Variants in SOX5 observed in about 807,000 individuals in gnomAD.
SOX5 encodes the protein transcription factor SOX-5.
A neutral mutation model predicts 92.0 loss-of-function variants in SOX5; 9 were observed. That is an observed-to-expected ratio of 0.10 (90% CI 0.06 to 0.17). The LOEUF (loss-of-function observed/expected upper bound fraction) is 0.17. Among genes scored for constraint, SOX5 ranks in the 10% least tolerant of loss-of-function variants. The pLI, the probability that SOX5 is intolerant of heterozygous loss-of-function variation, is 1.00. For missense variants in SOX5, 642 were observed against 944.5 expected, an observed-to-expected ratio of 0.68 and a Z score of 4.20; for synonymous variants, 344 against 336.3, an observed-to-expected ratio of 1.02 and a Z score of -0.25.
intron 4 of SOX5, among the ~76,000 whole-genome samples, chr12:24,168,411 A>C (rs977686988): frequency 6.6e-6 from 1 of 152,232 alleles, no homozygotes; most frequent in Admixed American, 6.5e-5. Context: ...ATTTTAAAAA[A>C]ATCGTCAACA....
intron 3 of SOX5, among the ~76,000 whole-genome samples, chr12:23,796,092 T>C (rs2095557080): frequency 6.6e-6 from 1 of 152,154 alleles, no homozygotes; most frequent in African/African-American, 2.4e-5. Flanking sequence ...AAAAATCCTT[T>C]TAACTACAAC....
At chr12:23,542,974 G>C (rs927992072) in intron 13 of SOX5, among the ~76,000 whole-genome samples, 2 of 152,102 alleles carry the variant, frequency 1.3e-5, no homozygotes, top group African/African-American at 4.8e-5. Flanking sequence ...AGAAGATAAA[G>C]CATTAAAATA....
chr12:24,223,341 T>G (rs1291626485), intron 3 of SOX5: 1 of 152,210 alleles, frequency 6.6e-6, no homozygotes, highest in Non-Finnish European at 1.5e-5. Context: ...ATAACCAAAG[T>G]CAAAGAGTCA....
intron 9 of SOX5, among the ~76,000 whole-genome samples, chr12:23,599,781 AC>A: frequency 6.6e-6 from 1 of 151,546 alleles, no homozygotes; most frequent in Non-Finnish European, 1.5e-5. Flanking sequence ...TGTGTGTGAA[AC>A]TGAGTCTAAA....
chr12:23,957,971 T>G (rs1040903511), intron 4 of SOX5, among the ~76,000 whole-genome samples: 49 of 152,214 alleles, frequency 3.2e-4, no homozygotes, highest in African/African-American at 1.1e-3. Context: ...TATTACTATT[T>G]GAAAAACACC....
chr12:24,115,343 A>G (rs570912633), intron 4 of SOX5, among the ~76,000 whole-genome samples: 110 of 152,354 alleles, frequency 7.2e-4, no homozygotes, highest in Non-Finnish European at 1.4e-3. Flanking sequence ...GGAACTCTAT[A>G]TTCCACTAAA....
intron 2 of SOX5, among the ~76,000 whole-genome samples, chr12:24,334,568 C>T (rs1037735763): frequency 6.6e-6 from 1 of 152,198 alleles, no homozygotes; most frequent in Non-Finnish European, 1.5e-5. Context: ...GAGCCTAGCA[C>T]TATTTTATAC....
chr12:23,771,979 T>C (rs527450015), intron 3 of SOX5, among the ~76,000 whole-genome samples: 1 of 152,344 alleles, frequency 6.6e-6, no homozygotes, highest in African/African-American at 2.4e-5. Context: ...CATAGAAATA[T>C]GTGCCTTCTT....
intron 2 of SOX5, among the ~76,000 whole-genome samples, chr12:24,313,539 C>CA (rs887322891): frequency 3.3e-5 from 5 of 151,728 alleles, no homozygotes; most frequent in Non-Finnish European, 7.4e-5. Context: ...AAAAAAAATA[C>CA]AAAAAAAAGT....
At chr12:23,663,872 A>T (rs1356807297) in intron 7 of SOX5, among the ~76,000 whole-genome samples, 2 of 152,136 alleles carry the variant, frequency 1.3e-5, no homozygotes, top group Non-Finnish European at 2.9e-5. Context: ...TGTCTGGATG[A>T]GTTGATAACC....
intron 4 of SOX5, among the ~76,000 whole-genome samples, chr12:24,118,008 G>A (rs1948211960): frequency 8.6e-6 from 1 of 116,714 alleles, no homozygotes; most frequent in Non-Finnish European, 1.6e-5. Context: ...AACAGAGCGA[G>A]ACTCTCATTC....
chr12:23,712,498 A>G (rs1463813128), intron 6 of SOX5, among the ~76,000 whole-genome samples: 1 of 152,230 alleles, frequency 6.6e-6, no homozygotes, highest in African/African-American at 2.4e-5. Flanking sequence ...AGCCAGGTTT[A>G]TCTGGAGAAA....
intron 3 of SOX5, among the ~76,000 whole-genome samples, chr12:23,763,796 G>A (rs140754246): frequency 9.2e-5 from 14 of 151,974 alleles, no homozygotes; most frequent in Admixed American, 2.6e-4. Context: ...CTTTTCCCAG[G>A]GTCATTCAAC....
At chr12:23,536,738 A>G in intron 13 of SOX5, 69 bp from the exon 14 acceptor site, 1 of 1,208,732 alleles carries the variant, frequency 8.3e-7, no homozygotes. Flanking sequence ...GATATGGCTG[A>G]GAACAAGAAA....
chr12:23,626,002 G>GAA (rs1396130356), intron 8 of SOX5, among the ~76,000 whole-genome samples: 2 of 151,982 alleles, frequency 1.3e-5, no homozygotes, highest in Non-Finnish European at 2.9e-5. Flanking sequence ...AAGAGAGGAG[G>GAA]AAAGTATTGA....
chr12:24,537,591 T>C (rs1367204234), intron 1 of SOX5, among the ~76,000 whole-genome samples: 1 of 152,194 alleles, frequency 6.6e-6, no homozygotes, highest in African/African-American at 2.4e-5. Flanking sequence ...GCAGTCTCAT[T>C]CAAGGAATTG....
chr12:23,995,801 G>A (rs1363919058), intron 4 of SOX5, among the ~76,000 whole-genome samples: 1 of 152,120 alleles, frequency 6.6e-6, no homozygotes, highest in African/African-American at 2.4e-5. Context: ...GCTCATCGTA[G>A]TTACATATTA....
intron 1 of SOX5, among the ~76,000 whole-genome samples, chr12:23,906,842 A>T (rs1017667135): frequency 6.6e-6 from 1 of 152,168 alleles, no homozygotes; most frequent in Non-Finnish European, 1.5e-5. Flanking sequence ...GGTTAAGGAA[A>T]TAAAGACAGT....
At chr12:24,365,844 G>GT (rs769095266) in intron 2 of SOX5, among the ~76,000 whole-genome samples, 10 of 151,728 alleles carry the variant, frequency 6.6e-5, no homozygotes, top group South Asian at 2.1e-4. Context: ...ATTTTGCCTA[G>GT]TTTTTTTAAT....
Sources: gnomAD v4.1 joint callset for allele counts (sites outside exome capture counted in the v4.1 genomes callset) on GRCh38, gnomAD v4.1.1 for gene constraint, MANE v1.5 for transcripts, NCBI Gene and HGNC (gene_info 2026-07-23, HGNC 2026-07-21) for gene names.